Variants in ADAMTS17 observed in about 807,000 individuals in gnomAD.
ADAMTS17 encodes the protein A disintegrin and metalloproteinase with thrombospondin motifs 17.
ADAMTS17 carries 113 observed loss-of-function variants against 141.5 expected under a neutral mutation model. The ratio of observed to expected loss-of-function variants is 0.80; its 90% CI spans 0.69 to 0.93. The LOEUF (loss-of-function observed/expected upper bound fraction) is 0.93, where lower values mean the gene tolerates loss of function less well. Among genes scored for constraint, ADAMTS17 ranks in the 40% least tolerant of loss-of-function variants. ADAMTS17 has a pLI of 0.00. For synonymous variants in ADAMTS17, 768 were observed against 630.6 expected, an observed-to-expected ratio of 1.22 and a Z score of -3.27; for missense variants, 1,659 against 1,517.9, an observed-to-expected ratio of 1.09 and a Z score of -1.54.
intron 4 of ADAMTS17, among the ~76,000 whole-genome samples, chr15:100,272,030 T>G (rs570499119): frequency 6.6e-5 from 10 of 151,850 alleles, no homozygotes; most frequent in Non-Finnish European, 7.4e-5. Context: ...ACCATATATA[T>G]GTGTTAATTG....
At chr15:100,251,198 T>A (rs921305094) in intron 7 of ADAMTS17, among the ~76,000 whole-genome samples, 1 of 152,222 alleles carries the variant, frequency 6.6e-6, no homozygotes, top group South Asian at 2.1e-4. Context: ...GCTAACCAGC[T>A]GTCACGTGAA....
intron 8 of ADAMTS17, among the ~76,000 whole-genome samples, chr15:100,156,867 T>C (rs918113002): frequency 3.3e-5 from 5 of 152,210 alleles, no homozygotes; most frequent in East Asian, 1.9e-4. Context: ...ATTCAAACTC[T>C]TATTATAGGC....
At chr15:100,002,006 A>AAGGCCAAAACC (rs2060936703) in intron 18 of ADAMTS17, among the ~76,000 whole-genome samples, 6 of 149,940 alleles carry the variant, frequency 4.0e-5, no homozygotes, top group Admixed American at 6.6e-5. Flanking sequence ...AAAAAAAAAA[A>AAGGCCAAAACC]AAAAAAAAAA....
intron 15 of ADAMTS17, among the ~76,000 whole-genome samples, chr15:100,071,584 G>C (rs1596345802): frequency 6.7e-6 from 1 of 150,352 alleles, no homozygotes; most frequent in African/African-American, 2.5e-5. Context: ...TTCATCCCTA[G>C]GATGCAAGGC....
intron 18 of ADAMTS17, among the ~76,000 whole-genome samples, chr15:100,022,260 C>G (rs1481487829): frequency 6.6e-6 from 1 of 152,200 alleles, no homozygotes; most frequent in Non-Finnish European, 1.5e-5. Flanking sequence ...AGTCCAGGAG[C>G]TGCGTGCACC....
chr15:100,341,303 C>T lies in ADAMTS17; in HGVS notation c.186G>A (p.Arg62=). The change falls in exon 2 of 22, where the codon CGG becomes CGA. Residue 62 remains arginine, a synonymous_variant. Transcript: ENST00000268070. ...CGGCTGGGGGCGTGCGGGGGCGTCG[C>T]CGCCGTCGGGGCCCGGGGGCTGCGG... ...PLPAAPGPRR[R]RRPRTPPAAP... is the part of the protein sequence containing the mutation. 3 of 1,082,974 alleles carry T rather than the reference C, an allele frequency of 2.8e-6. No homozygotes were observed. Among genetic ancestry groups the T allele is most frequent in the Non-Finnish European group, 3.3e-6 (3 of 896,154 alleles). The allele number at this position is 1,082,974 out of a possible 1,614,324, so 67.1% of individuals were successfully genotyped here.
chr15:100,208,184 C>T (rs556842985), intron 7 of ADAMTS17, among the ~76,000 whole-genome samples: 1 of 152,226 alleles, frequency 6.6e-6, no homozygotes, highest in East Asian at 1.9e-4. Context: ...ACACAGTAGG[C>T]TCACAAAAAG....
At chr15:100,306,748 C>A (rs1345933441) in intron 3 of ADAMTS17, among the ~76,000 whole-genome samples, 1 of 152,192 alleles carries the variant, frequency 6.6e-6, no homozygotes, top group Non-Finnish European at 1.5e-5. Context: ...CATGCTCGAA[C>A]TCGGTAGAAA....
chr15:100,277,682 G>C (rs991883079), intron 4 of ADAMTS17, among the ~76,000 whole-genome samples: 1 of 152,196 alleles, frequency 6.6e-6, no homozygotes, highest in Non-Finnish European at 1.5e-5. Context: ...TTGTGCACAC[G>C]AGGAACACGG....
Position 100,109,256 on chromosome 15 carries a change from C to CACTCCA in ADAMTS17, c.1889-141_1889-140insTGGAGT, listed in dbSNP as rs1567188255. ...GTAAAGGTGCATGAGCTCAGGTACG[C>CACTCCA]GCTCCAGGAAGCGGAAAAAGACCCA... On this transcript the variant is annotated intron_variant, in intron 13 of 21. Coordinates refer to ENST00000268070, the MANE Select transcript of ADAMTS17 (RefSeq NM_139057.4). 50 of 1,033,306 alleles carry CACTCCA rather than the reference C, an allele frequency of 4.8e-5. No homozygotes were observed. The African/African-American group carries it at 6.7e-4, about 14-fold the overall frequency. The allele number at this position is 1,033,306 out of a possible 1,614,324, so 64.0% of individuals were successfully genotyped here.
At chr15:99,980,745 G>A (rs2060467192) in intron 20 of ADAMTS17, 1 of 152,260 alleles carries the variant, frequency 6.6e-6, no homozygotes, top group Non-Finnish European at 1.5e-5. Flanking sequence ...GCTTCACCCT[G>A]TGCGTCTATT....
intron 7 of ADAMTS17, among the ~76,000 whole-genome samples, chr15:100,219,866 A>G (rs142792630): frequency 0.053 from 8,058 of 152,242 alleles, 445 homozygotes; most frequent in African/African-American, 0.14. Context: ...TTCTTCCTTT[A>G]ATCCTTTCTA....
chr15:100,304,104 CT>C (rs1480784268), intron 3 of ADAMTS17, among the ~76,000 whole-genome samples: 1 of 152,216 alleles, frequency 6.6e-6, no homozygotes, highest in Non-Finnish European at 1.5e-5. Flanking sequence ...GCAGTGATGT[CT>C]TCAGACAATC....
chr15:100,272,886 G>C (rs1019051482), intron 4 of ADAMTS17, among the ~76,000 whole-genome samples: 2 of 151,836 alleles, frequency 1.3e-5, no homozygotes, highest in African/African-American at 2.4e-5. Flanking sequence ...CTAGTCTATT[G>C]AGTGCTTTTA....
intron 7 of ADAMTS17, among the ~76,000 whole-genome samples, chr15:100,236,561 A>G (rs2042661629): frequency 6.6e-6 from 1 of 152,056 alleles, no homozygotes; most frequent in Non-Finnish European, 1.5e-5. Flanking sequence ...AAACAAAAAA[A>G]CGGCAGTAGC....
Position 100,254,891 on chromosome 15 carries a change from C to T in ADAMTS17, c.1032-712G>A, listed in dbSNP as rs180823810. Among the ~76,000 whole-genome samples the T allele has an allele frequency of 4.7e-3, 711 of 152,196 alleles. 5 individuals carry two copies. The highest frequency in any genetic ancestry group is 0.016 in the African/African-American group (662 of 41,526). On this transcript the variant is annotated intron_variant, in intron 6 of 21. Coordinates refer to ENST00000268070, the MANE Select transcript of ADAMTS17 (RefSeq NM_139057.4). The stretch of plus-strand genomic sequence containing the variant: ...GGACAGCATGAGGAAGAATAGCTAA[C>T]GGATGCTGGGCTTAATACCTAGGTG...
intron 8 of ADAMTS17, among the ~76,000 whole-genome samples, chr15:100,157,103 A>C (rs989484299): frequency 2.0e-5 from 3 of 152,356 alleles, no homozygotes; most frequent in African/African-American, 7.2e-5. Context: ...CCAGATGCTT[A>C]CAAACCCATC....
intron 3 of ADAMTS17, among the ~76,000 whole-genome samples, chr15:100,307,285 G>C (rs2045258704): frequency 6.6e-6 from 1 of 152,156 alleles, no homozygotes; most frequent in African/African-American, 2.4e-5. Flanking sequence ...CCCAAGCAGG[G>C]CCACTCAAAT....
chr15:100,043,850 C>T (rs991770692), intron 18 of ADAMTS17, among the ~76,000 whole-genome samples: 15 of 152,258 alleles, frequency 9.9e-5, no homozygotes, highest in African/African-American at 1.7e-4. Flanking sequence ...CGTGGCAACA[C>T]GGCAGGACTG....
Sources: gnomAD v4.1 joint callset for allele counts (sites outside exome capture counted in the v4.1 genomes callset) on GRCh38, gnomAD v4.1.1 for gene constraint, MANE v1.5 for transcripts, NCBI Gene and HGNC (gene_info 2026-07-23, HGNC 2026-07-21) for gene names.